The following PCDHGB7 variants were observed in gnomAD, a reference collection of about 807,000 sequenced individuals.
PCDHGB7 encodes the protein protocadherin gamma-B7.
PCDHGB7 carries 37 observed loss-of-function variants against 61.4 expected under a neutral mutation model. That is an observed-to-expected ratio of 0.60 (90% CI 0.46 to 0.79). The LOEUF (loss-of-function observed/expected upper bound fraction) is 0.79, where lower values mean the gene tolerates loss of function less well. Ranked by LOEUF, PCDHGB7 falls within the 30% of genes least tolerant of loss-of-function variation. PCDHGB7 has a pLI of 0.00. For synonymous variants in PCDHGB7, 464 were observed against 503.5 expected (o/e 0.92, Z 1.05); for missense variants, 1,166 against 1,202.5 (o/e 0.97, Z 0.45).
intron 3 of PCDHGB7, among the ~76,000 whole-genome samples, chr5:141,507,590 T>C (rs531629336): frequency 1.3e-5 from 2 of 152,374 alleles, no homozygotes; most frequent in African/African-American, 4.8e-5. Context: ...AGTTGGCCTC[T>C]TGAGGGAAAT....
intron 1 of PCDHGB7, among the ~76,000 whole-genome samples, chr5:141,445,011 T>C (rs970882082): frequency 1.3e-5 from 2 of 152,196 alleles, no homozygotes; most frequent in Non-Finnish European, 2.9e-5. Flanking sequence ...AATTAGGTCT[T>C]TAATTTCTCT....
At chr5:141,456,827 G>A (rs183303757) in intron 1 of PCDHGB7, among the ~76,000 whole-genome samples, 13 of 152,236 alleles carry the variant, frequency 8.5e-5, no homozygotes, top group South Asian at 2.1e-4. Flanking sequence ...AGCCATCGTG[G>A]TAGTGGGCGC....
chr5:141,418,748 A>G lies in PCDHGB7; in HGVS notation c.889A>G (p.Thr297Ala). 4.3e-6 allele frequency: 7 copies of G among 1,613,954 alleles called. No homozygotes were observed. The highest frequency in any genetic ancestry group is 2.2e-5 in the East Asian group (1 of 44,886). ...TCAGCACGTGTTCTCTCTGGATTAC[A>G]CTACAGGAAACATTCTAACTCAGCA... ...KAQHVFSLDY[T>A]TGNILTQQPL... The change falls in exon 1 of 4, where the codon ACT becomes GCT. Residue 297 changes from threonine to alanine, a missense_variant. Coordinates refer to ENST00000398594, the MANE Select transcript of PCDHGB7 (RefSeq NM_018927.4).
At position 141,419,744 on chromosome 5, in the gene PCDHGB7, G is replaced by C. The variant is rs760207269; in HGVS notation, c.1885G>C (p.Val629Leu). Residue 629 changes from valine (V) to leucine (L), a missense_variant, in exon 1 of 4, where the codon GTG becomes CTG. Val to Leu is a conservative substitution (Grantham distance 32). Transcript: ENST00000398594. Reference sequence around the variant, plus strand: ...GCTGCGAACAGGCGAGGTGCGCATGGTGCGTGCTTTGGGTGACAAGGACTC... The same window carrying C: ...GCTGCGAACAGGCGAGGTGCGCATGCTGCGTGCTTTGGGTGACAAGGACTC... ...LGLRTGEVRM[V>L]RALGDKDSVR... The C allele has an allele frequency of 6.2e-7, 1 of 1,613,896 alleles. No homozygotes were observed. The highest frequency in any genetic ancestry group is 8.5e-7 in the Non-Finnish European group (1 of 1,179,868).
chr5:141,423,004 G>T lies in PCDHGB7; in HGVS notation c.2415+2730G>T, dbSNP rs1206727312. 2 of 1,614,116 alleles carry T rather than the reference G, an allele frequency of 1.2e-6. No individual in the cohort carries two copies. Among genetic ancestry groups the T allele is most frequent in the African/African-American group, 1.3e-5 (1 of 74,958 alleles). ...ACCTGGCTACCTGGTGACCAAGGTG[G>T]TTGCGGTGGACAAAGATTCAGGCCA... On this transcript the variant is annotated intron_variant, in intron 1 of 3. Transcript: ENST00000398594.
In PCDHGB7 at chr5:141,418,815, T is replaced by A; in HGVS notation, c.956T>A (p.Ile319Lys). The part of the protein sequence containing the change: ...FEEVERYTIN[I>K]EAKDRGSLST... ...GAAGTAGAAAGATATACGATAAACA[T>A]AGAAGCAAAAGACCGAGGATCTCTC... The change falls in exon 1 of 4, where the codon ATA becomes AAA. Residue 319 changes from isoleucine to lysine, a missense_variant. Physicochemically the swap from Ile to Lys is moderately radical, Grantham distance 102. Coordinates refer to ENST00000398594, the MANE Select transcript of PCDHGB7 (RefSeq NM_018927.4). 6.2e-7 allele frequency: 1 copy of A among 1,613,864 alleles called. No individual in the cohort carries two copies. The highest frequency in any genetic ancestry group is 2.2e-5 in the East Asian group (1 of 44,884).
intron 1 of PCDHGB7, among the ~76,000 whole-genome samples, chr5:141,439,391 G>A (rs880080): frequency 0.036 from 5,494 of 152,210 alleles, 123 homozygotes; most frequent in South Asian, 0.078. Context: ...TCATCACTTC[G>A]ACTTCATGTG....
At chr5:141,423,354 C>A in intron 1 of PCDHGB7, 1 of 1,614,202 alleles carries the variant, frequency 6.2e-7, no homozygotes. Context: ...TGGTCTTTGT[C>A]ATCGTGCTGC....
Position 141,477,598 on chromosome 5 carries a change from C to A in PCDHGB7, c.2416-17209C>A. The A allele has an allele frequency of 6.2e-7, 1 of 1,614,180 alleles. No homozygotes were observed. The highest frequency in any genetic ancestry group is 8.5e-7 in the Non-Finnish European group (1 of 1,180,030). ...CCCCGCAGAATGCTCGGCTTTCTTT[C>A]TTTCTCTTGGAGCAAGGAGCTGAAA... On this transcript the variant is annotated intron_variant, in intron 1 of 3. Transcript: ENST00000398594. This position sits in a 1 kb window ranked among gnomAD's most constrained non-coding sequence, Gnocchi z 4.9.
rs1251686604 is a variant in PCDHGB7 at position 141,485,257 on chromosome 5, T to C, written c.2416-9550T>C. ...TCTTTTACCACCTGGGTTACGTTTG[T>C]GGGCAGATCCGCTACCCGGTCCCAG... is the stretch of plus-strand genomic sequence containing the variant. On this transcript the variant is annotated intron_variant, in intron 1 of 3. Coordinates refer to ENST00000398594, the MANE Select transcript of PCDHGB7 (RefSeq NM_018927.4). This position sits in a 1 kb window ranked among gnomAD's most constrained non-coding sequence, Gnocchi z 5.7. The C allele has an allele frequency of 6.2e-7, 1 of 1,614,154 alleles. No homozygotes were observed.
chr5:141,427,854 TGC>T (rs2097079964), intron 1 of PCDHGB7: 1 of 1,553,594 alleles, frequency 6.4e-7, no homozygotes, highest in Non-Finnish European at 8.8e-7. Context: ...CGAGCAGCTG[TGC>T]GCCTTCGAGC....
In PCDHGB7 at chr5:141,423,390, T is replaced by C. The variant is rs751337994; in HGVS notation, c.2415+3116T>C. ...TGGCACTCAGGCTGTGGCGCTGGCATAAGTCACGCCTGCTGCAGGCTTCTG... is the reference window on the plus strand; with the variant it reads ...TGGCACTCAGGCTGTGGCGCTGGCACAAGTCACGCCTGCTGCAGGCTTCTG... On this transcript the variant is annotated intron_variant, in intron 1 of 3. Coordinates refer to ENST00000398594, the MANE Select transcript of PCDHGB7 (RefSeq NM_018927.4). 2.5e-6 allele frequency: 4 copies of C among 1,614,144 alleles called. No homozygotes were observed. In the South Asian group the frequency reaches 3.3e-5, roughly 13 times the overall value.
At position 141,476,602 on chromosome 5, in the gene PCDHGB7, C is replaced by T; in HGVS notation, c.2416-18205C>T. 6.2e-7 allele frequency: 1 copy of T among 1,614,208 alleles called. No homozygotes were observed. Among genetic ancestry groups the T allele is most frequent in the Middle Eastern group, 1.6e-4 (1 of 6,062 alleles). Reference sequence around the variant, plus strand: ...TTCCGCTCGAGAGCGCGCACGATCCCGATGTGGGAAGCAACTCTTTACAAA... The same window carrying T: ...TTCCGCTCGAGAGCGCGCACGATCCTGATGTGGGAAGCAACTCTTTACAAA... On this transcript the variant is annotated intron_variant, in intron 1 of 3. Coordinates refer to ENST00000398594, the MANE Select transcript of PCDHGB7 (RefSeq NM_018927.4). The surrounding 1 kb of genome is among the most constrained non-coding windows in gnomAD (Gnocchi z 7.6).
At chr5:141,502,951 C>G (rs1444086718) in intron 2 of PCDHGB7, among the ~76,000 whole-genome samples, 1 of 147,768 alleles carries the variant, frequency 6.8e-6, no homozygotes, top group African/African-American at 2.6e-5. Context: ...TCAAGCGATT[C>G]TCCTGCCTCA....
Position 141,490,526 on chromosome 5 carries a change from C to T in PCDHGB7, c.2416-4281C>T, listed in dbSNP as rs1270447529. 6.2e-7 allele frequency: 1 copy of T among 1,614,116 alleles called. No homozygotes were observed. Among genetic ancestry groups the T allele is most frequent in the Non-Finnish European group, 8.5e-7 (1 of 1,180,008 alleles). ...ATCATCGAGCTGCTGGCCAGCGATGCTGGTTCACCTTCCCTACACAAACAT... is the reference window on the plus strand; with the variant it reads ...ATCATCGAGCTGCTGGCCAGCGATGTTGGTTCACCTTCCCTACACAAACAT... On this transcript the variant is annotated intron_variant, in intron 1 of 3. Coordinates refer to ENST00000398594, the MANE Select transcript of PCDHGB7 (RefSeq NM_018927.4). The surrounding 1 kb of genome is among the most constrained non-coding windows in gnomAD (Gnocchi z 5.4).
In PCDHGB7 at chr5:141,487,493, C is replaced by T; in HGVS notation, c.2416-7314C>T. 6.2e-7 allele frequency: 1 copy of T among 1,614,168 alleles called. No individual in the cohort carries two copies. The highest frequency in any genetic ancestry group is 1.1e-5 in the South Asian group (1 of 91,088). On this transcript the variant is annotated intron_variant, in intron 1 of 3. Coordinates refer to ENST00000398594, the MANE Select transcript of PCDHGB7 (RefSeq NM_018927.4). The surrounding 1 kb of genome is among the most constrained non-coding windows in gnomAD (Gnocchi z 5.0). ...GGGAGGCCACTCTCATGGCTGTACA[C>T]CCTTGGCTTCTGCACCCACTCGGAG...
rs369794418 is a variant in PCDHGB7, at chr5:141,497,143, G to A, written c.2474+2278G>A. Among the ~76,000 whole-genome samples the A allele has an allele frequency of 7.3e-5, 11 of 150,108 alleles. No individual in the cohort carries two copies. In the East Asian group the frequency reaches 1.6e-3, roughly 21 times the overall value. On this transcript the variant is annotated intron_variant, in intron 2 of 3. Coordinates refer to ENST00000398594, the MANE Select transcript of PCDHGB7 (RefSeq NM_018927.4). ...AGAGGTTGCAGTGAGCTGAGATCAC[G>A]AAAAAAAAATAATCTAGCCACAAAT...
chr5:141,502,694 G>A (rs1039264846), intron 2 of PCDHGB7, among the ~76,000 whole-genome samples: 5 of 152,180 alleles, frequency 3.3e-5, no homozygotes, highest in African/African-American at 1.2e-4. Flanking sequence ...ATCCTTGCCT[G>A]TATCTGTTTT....
At chr5:141,463,583 G>A (rs1444995569) in intron 1 of PCDHGB7, among the ~76,000 whole-genome samples, 1 of 151,598 alleles carries the variant, frequency 6.6e-6, no homozygotes, top group African/African-American at 2.4e-5. Flanking sequence ...CGAGTAGCTG[G>A]GACTACAGGT....
Sources: gnomAD v4.1 joint callset for allele counts (sites outside exome capture counted in the v4.1 genomes callset) on GRCh38, gnomAD v4.1.1 for gene constraint, Gnocchi (gnomAD v3.1) non-coding constraint, MANE v1.5 for transcripts, NCBI Gene and HGNC (gene_info 2026-07-23, HGNC 2026-07-21) for gene names.